ARHGAP36: variants seen among roughly 807,000 people sequenced by gnomAD.
The protein encoded by ARHGAP36 is rho GTPase-activating protein 36.
ARHGAP36 carries 7 observed loss-of-function variants against 32.9 expected under a neutral mutation model. That is an observed-to-expected ratio of 0.21 (90% CI 0.12 to 0.40). ARHGAP36 has a LOEUF of 0.40. Ranked by LOEUF, ARHGAP36 falls within the 10% of genes least tolerant of loss-of-function variation. The pLI is 1.00. For missense variants in ARHGAP36, 383 were observed against 442.2 expected, an observed-to-expected ratio of 0.87 and a Z score of 1.20; for synonymous variants, 165 against 168.3, an observed-to-expected ratio of 0.98 and a Z score of 0.15.
chrX:131,088,556 T>A lies in ARHGAP36; in HGVS notation c.1487-72T>A, dbSNP rs889778866. On this transcript the variant is annotated intron_variant, in intron 11 of 11. Coordinates refer to ENST00000276211, the MANE Select transcript of ARHGAP36 (RefSeq NM_144967.4). ...TGTATTTGAAACTCAAAATTAGGTC[T>A]TAGTGCCTTGGGTGCTGCGCAAAGT... The A allele has an allele frequency of 1.6e-5, 17 of 1,093,624 alleles. No homozygotes were observed. The Middle Eastern group carries it at 1.8e-3, about 113-fold the overall frequency. The allele number at this position is 1,093,624 out of a possible 1,213,427, so 90.1% of individuals were successfully genotyped here.
At chrX:131,078,495 A>G (rs1299373960) in intron 1 of ARHGAP36, among the ~76,000 whole-genome samples, 1 of 112,370 alleles carries the variant, frequency 8.9e-6, no homozygotes, top group African/African-American at 3.2e-5. Flanking sequence ...TGAAGGGGTA[A>G]GGGGAAAACA....
intron 1 of ARHGAP36, among the ~76,000 whole-genome samples, chrX:131,065,041 TTGTGTGTGTGTG>T (rs35681413): frequency 1.9e-5 from 2 of 103,361 alleles, no homozygotes; most frequent in East Asian, 3.1e-4. Context: ...GTGTGTGTGT[TTGTGTGTGTGTG>T]TGTGTGTGTG....
chrX:131,082,418 C>G (rs1029864398), intron 2 of ARHGAP36, among the ~76,000 whole-genome samples: 3 of 112,597 alleles, frequency 2.7e-5, no homozygotes, highest in African/African-American at 9.7e-5. Flanking sequence ...GCAGGAGGTG[C>G]GCCTCTAGCA....
intron 1 of ARHGAP36, among the ~76,000 whole-genome samples, chrX:131,080,008 A>G (rs1446997005): frequency 2.7e-5 from 3 of 111,451 alleles, no homozygotes; most frequent in Non-Finnish European, 5.7e-5. Context: ...TCTCTACCCA[A>G]AACAGGCTTT....
At chrX:131,071,855 G>A (rs1381590075) in intron 1 of ARHGAP36, among the ~76,000 whole-genome samples, 2 of 111,559 alleles carry the variant, frequency 1.8e-5, no homozygotes, top group African/African-American at 6.5e-5. Context: ...TGTCCCTTGT[G>A]CATTTACTTG....
chrX:131,078,106 AT>A (rs1313939410), intron 1 of ARHGAP36, among the ~76,000 whole-genome samples: 5 of 110,633 alleles, frequency 4.5e-5, no homozygotes, highest in South Asian at 3.8e-4. Context: ...TTGAAACATG[AT>A]TTTTTTTGTA....
intron 1 of ARHGAP36, among the ~76,000 whole-genome samples, chrX:131,077,237 C>T (rs1329219010): frequency 1.8e-5 from 2 of 112,262 alleles, no homozygotes; most frequent in East Asian, 2.8e-4. Context: ...TATCCATTGC[C>T]GCTGCCTGTA....
rs982366803 is a variant in ARHGAP36, at chrX:131,062,651, T to C, written c.-143+4207T>C. 5.4e-5 allele frequency among the ~76,000 whole-genome samples: 6 copies of C among 111,898 alleles called. No homozygotes were observed. The South Asian group carries it at 2.3e-3, about 42-fold the overall frequency. ...TGGGGTTGTAAATAATAATAATAGT[T>C]CTTATTACTGCTGTTGTAGATGTCA... On this transcript the variant is annotated intron_variant, in intron 1 of 11. Transcript: ENST00000276211.
At chrX:131,075,621 ATATG>A (rs1437546153) in intron 1 of ARHGAP36, among the ~76,000 whole-genome samples, 43 of 28,391 alleles carry the variant, frequency 1.5e-3, no homozygotes, top group Admixed American at 3.6e-3. Flanking sequence ...GTGTGTATAT[ATATG>A]TGTGTGTGTG....
intron 1 of ARHGAP36, among the ~76,000 whole-genome samples, chrX:131,064,477 G>A (rs1371433471): frequency 2.7e-5 from 3 of 111,404 alleles, no homozygotes; most frequent in Admixed American, 9.4e-5. Context: ...ACATGAGAAC[G>A]AAAAAAAGTG....
At chrX:131,058,493 G>A in intron 1 of ARHGAP36, 49 bp downstream of exon 1, 1 of 986,241 alleles carries the variant, frequency 1.0e-6, no homozygotes, top group Non-Finnish European at 1.3e-6. Context: ...GGCCGGGGGC[G>A]GCCGGCGGCT....
intron 11 of ARHGAP36, among the ~76,000 whole-genome samples, chrX:131,087,995 C>T (rs954190338): frequency 5.3e-5 from 6 of 112,491 alleles, no homozygotes; most frequent in Non-Finnish European, 1.1e-4. Flanking sequence ...AGACCCTCCA[C>T]AAGACCTGGC....
chrX:131,066,151 C>T (rs771283656), intron 1 of ARHGAP36, among the ~76,000 whole-genome samples: 2 of 112,466 alleles, frequency 1.8e-5, no homozygotes, highest in South Asian at 3.7e-4. Context: ...CAGTGCCCCC[C>T]GACTCATGAA....
rs188879523 is a variant in ARHGAP36 at position 131,073,373 on chromosome X, G to A, written c.-142-8151G>A. Among the ~76,000 whole-genome samples, 304 of 111,534 alleles carry A rather than the reference G, an allele frequency of 2.7e-3. 3 individuals carry two copies. Among genetic ancestry groups the A allele is most frequent in the African/African-American group, 9.5e-3 (292 of 30,679 alleles). On this transcript the variant is annotated intron_variant, in intron 1 of 11. Coordinates refer to ENST00000276211, the MANE Select transcript of ARHGAP36 (RefSeq NM_144967.4). ...GCGCAGTGGCAGCCAGAGACCCAGG[G>A]CAACCCCGAGAGGCAGAGGGCGCAC...
chrX:131,071,211 A>G (rs2079731854), intron 1 of ARHGAP36, among the ~76,000 whole-genome samples: 1 of 110,313 alleles, frequency 9.1e-6, no homozygotes, highest in Non-Finnish European at 1.9e-5. Context: ...AGAGAGACAG[A>G]GAAAGAGGGG....
intron 1 of ARHGAP36, among the ~76,000 whole-genome samples, chrX:131,067,482 C>G: frequency 8.8e-6 from 1 of 113,047 alleles, no homozygotes; most frequent in Non-Finnish European, 1.9e-5. Context: ...GGCGGGCAGG[C>G]GAACCCCCAC....
In ARHGAP36 at chrX:131,083,900, C is replaced by T; in HGVS notation, c.486C>T (p.Ile162=). ...TGGTGCGAAGGGTGTTTGGCCGCAT[C>T]CGGCGCTTTTTCAGTCGCAGGCGGA... ...GNVVRRVFGR[I]RRFFSRRRNE... Residue 162 remains isoleucine (I), a synonymous_variant, in exon 4 of 12, where the codon ATC becomes ATT. Transcript: ENST00000276211. The T allele has an allele frequency of 8.3e-7, 1 of 1,212,038 alleles. No homozygotes were observed. The highest frequency in any genetic ancestry group is 1.1e-6 in the Non-Finnish European group (1 of 895,616).
intron 1 of ARHGAP36, among the ~76,000 whole-genome samples, chrX:131,064,274 T>G (rs1337395786): frequency 1.8e-5 from 2 of 111,719 alleles, no homozygotes; most frequent in Non-Finnish European, 3.8e-5. Context: ...TCATTAACAC[T>G]GCGAGGAGAA....
intron 1 of ARHGAP36, among the ~76,000 whole-genome samples, chrX:131,059,075 A>G (rs1220576795): frequency 2.7e-5 from 3 of 111,658 alleles, no homozygotes; most frequent in Non-Finnish European, 5.7e-5. Context: ...TGCGGTCTTT[A>G]GTCGGGTTCT....
Sources: allele counts gnomAD v4.1 joint callset (sites outside exome capture counted in the v4.1 genomes callset), GRCh38; gene constraint gnomAD v4.1.1; transcripts MANE v1.5; gene names NCBI Gene and HGNC (gene_info 2026-07-23, HGNC 2026-07-21).